The following ATP8A2 variants were observed in gnomAD, a reference collection of about 807,000 sequenced individuals.
ATP8A2 encodes ATPase phospholipid transporting 8A2.
A neutral mutation model predicts 165.6 loss-of-function variants in ATP8A2; 100 were observed. The observed-to-expected ratio is 0.60, with a 90% CI of 0.51 to 0.71. The LOEUF is 0.71. ATP8A2 is among the 30% of genes least tolerant of loss of function. The pLI, the probability that ATP8A2 is intolerant of heterozygous loss-of-function variation, is 0.00. For missense variants in ATP8A2, 1,227 were observed against 1,479.5 expected, an observed-to-expected ratio of 0.83 and a Z score of 2.80; for synonymous variants, 543 against 548.8, an observed-to-expected ratio of 0.99 and a Z score of 0.15.
chr13:25,556,789 C>A (rs2038994645), intron 13 of ATP8A2, among the ~76,000 whole-genome samples: 1 of 152,154 alleles, frequency 6.6e-6, no homozygotes, highest in Non-Finnish European at 1.5e-5. Context: ...CGAAGGACAC[C>A]TGGTTATTCA....
At chr13:25,657,287 G>A (rs896399573) in intron 24 of ATP8A2, among the ~76,000 whole-genome samples, 3 of 152,050 alleles carry the variant, frequency 2.0e-5, no homozygotes, top group African/African-American at 7.2e-5. Context: ...TGTGTAGGAG[G>A]CTGAGAATGG....
At chr13:25,503,611 A>G (rs2036927190) in intron 2 of ATP8A2, among the ~76,000 whole-genome samples, 1 of 152,212 alleles carries the variant, frequency 6.6e-6, no homozygotes, top group Non-Finnish European at 1.5e-5. Flanking sequence ...GGAAGGAGTA[A>G]GATGTTGGAA....
chr13:25,372,881 G>GCGCA lies in ATP8A2; in HGVS notation c.76+594_76+595insGCAC, dbSNP rs371950683. On this transcript the variant is annotated intron_variant, in intron 1 of 36. Transcript: ENST00000381655. The surrounding 1 kb of genome is among the most constrained non-coding windows in gnomAD (Gnocchi z 4.8). ...CGAACACACACACGCACACGCGCGCGCACACACACACACAGGTACACACAC... is the reference window on the plus strand; with the variant it reads ...CGAACACACACACGCACACGCGCGCGCGCACACACACACACACAGGTACACACAC... Among the ~76,000 whole-genome samples, 2 of 151,584 alleles carry GCGCA rather than the reference G, an allele frequency of 1.3e-5. No homozygotes were observed. Among genetic ancestry groups the GCGCA allele is most frequent in the East Asian group, 1.9e-4 (1 of 5,134 alleles).
At chr13:25,651,926 C>G (rs577416521) in intron 24 of ATP8A2, among the ~76,000 whole-genome samples, 4 of 151,870 alleles carry the variant, frequency 2.6e-5, no homozygotes, top group Admixed American at 6.6e-5. Flanking sequence ...TAGAATCATC[C>G]TTTATTTAGA....
At position 25,750,845 on chromosome 13, in the gene ATP8A2, A is replaced by G. The variant is rs563075190; in HGVS notation, c.2385-18201A>G. Among the ~76,000 whole-genome samples, 4 of 152,290 alleles carry G rather than the reference A, an allele frequency of 2.6e-5. No individual in the cohort carries two copies. The highest frequency in any genetic ancestry group is 1.9e-4 in the East Asian group (1 of 5,178). On this transcript the variant is annotated intron_variant, in intron 25 of 36. Transcript: ENST00000381655. This position sits in a 1 kb window ranked among gnomAD's most constrained non-coding sequence, Gnocchi z 4.3. ...TTTGGAATTACACGTGTAGTTCACT[A>G]AAGTATTCCTAGTGACAACATAGCC...
intron 34 of ATP8A2, among the ~76,000 whole-genome samples, chr13:25,962,114 T>C (rs921857761): frequency 2.6e-5 from 4 of 152,228 alleles, no homozygotes; most frequent in Admixed American, 2.6e-4. Flanking sequence ...TGTTGCCTTA[T>C]ATAAAGGCAG....
intron 24 of ATP8A2, among the ~76,000 whole-genome samples, chr13:25,663,530 G>C (rs1235486062): frequency 6.6e-6 from 1 of 152,060 alleles, no homozygotes; most frequent in Non-Finnish European, 1.5e-5. Flanking sequence ...TGCCACTGAG[G>C]TGCATTGGGC....
At chr13:25,479,387 T>G (rs1313099189) in intron 2 of ATP8A2, among the ~76,000 whole-genome samples, 6 of 152,236 alleles carry the variant, frequency 3.9e-5, no homozygotes, top group Non-Finnish European at 8.8e-5. Context: ...TTTAAAGAGC[T>G]TTTACTAGGA....
At chr13:25,605,884 G>C (rs539689826) in intron 24 of ATP8A2, among the ~76,000 whole-genome samples, 1 of 152,054 alleles carries the variant, frequency 6.6e-6, no homozygotes, top group African/African-American at 2.4e-5. Context: ...TTCCTAGAAG[G>C]CTCCTAGGTC....
At chr13:25,864,028 C>T (rs1361884031) in intron 33 of ATP8A2, among the ~76,000 whole-genome samples, 4 of 152,118 alleles carry the variant, frequency 2.6e-5, no homozygotes, top group African/African-American at 9.7e-5. Context: ...TGATTGATCC[C>T]CACAAAAAGC....
intron 25 of ATP8A2, among the ~76,000 whole-genome samples, chr13:25,727,934 G>T (rs1017801549): frequency 6.6e-6 from 1 of 152,026 alleles, no homozygotes; most frequent in African/African-American, 2.4e-5. Flanking sequence ...CTGTGCTCTG[G>T]TCCTGGCACT....
chr13:25,885,301 T>C (rs1295255708), intron 33 of ATP8A2, among the ~76,000 whole-genome samples: 1 of 151,864 alleles, frequency 6.6e-6, no homozygotes, highest in Non-Finnish European at 1.5e-5. Context: ...TTAGTAGAGA[T>C]GGCGTTTCAC....
intron 24 of ATP8A2, among the ~76,000 whole-genome samples, chr13:25,635,727 A>T (rs2041352374): frequency 6.6e-6 from 1 of 152,208 alleles, no homozygotes; most frequent in African/African-American, 2.4e-5. Context: ...TCCTCTGTGC[A>T]AAAATTTTAG....
At chr13:25,485,781 G>A (rs1491001565) in intron 2 of ATP8A2, among the ~76,000 whole-genome samples, 1 of 152,178 alleles carries the variant, frequency 6.6e-6, no homozygotes, top group African/African-American at 2.4e-5. Context: ...TTCTCTTAAT[G>A]TTTAGTTTGA....
chr13:25,651,057 CT>C (rs1420663928), intron 24 of ATP8A2, among the ~76,000 whole-genome samples: 11 of 152,096 alleles, frequency 7.2e-5, no homozygotes, highest in Non-Finnish European at 1.5e-4. Flanking sequence ...TTATGTAAAG[CT>C]GAAATTATTT....
At position 25,480,231 on chromosome 13, in the gene ATP8A2, C is replaced by T. The variant is rs368258517; in HGVS notation, c.221+11110C>T. 9.3e-3 allele frequency among the ~76,000 whole-genome samples: 1,407 copies of T among 150,696 alleles called. 17 individuals carry two copies. Among genetic ancestry groups the T allele is most frequent in the Admixed American group, 0.042 (637 of 15,200 alleles). ...CCGGGCAGAGGGGCTCCTCACTTCC[C>T]AGTAGGGGCGGCTGGGCAGAGGCGC... On this transcript the variant is annotated intron_variant, in intron 2 of 36. Transcript: ENST00000381655.
intron 1 of ATP8A2, among the ~76,000 whole-genome samples, chr13:25,406,332 A>G (rs2138040983): frequency 6.6e-6 from 1 of 152,334 alleles, no homozygotes; most frequent in East Asian, 1.9e-4. Context: ...CAATTGAAGT[A>G]TGATAACATA....
Position 25,699,349 on chromosome 13 carries a change from G to A in ATP8A2, c.2384+4G>A. ...GCAAAGCGGTCATATGCTGCAGGTA[G>A]GAACCTGCAGGCTGTGCACAGTTCA... On this transcript the variant is annotated splice_donor_region_variant and intron_variant, in intron 25 of 36. Transcript: ENST00000381655. 1 of 1,604,298 alleles carries A rather than the reference G, an allele frequency of 6.2e-7. No individual in the cohort carries two copies. The highest frequency in any genetic ancestry group is 8.5e-7 in the Non-Finnish European group (1 of 1,174,456).
chr13:25,988,635 C>T (rs1593677445), intron 35 of ATP8A2, among the ~76,000 whole-genome samples: 1 of 152,294 alleles, frequency 6.6e-6, no homozygotes. Flanking sequence ...CCAAAGTGCC[C>T]AGGACTGCTA....
Sources: allele counts gnomAD v4.1 joint callset (sites outside exome capture counted in the v4.1 genomes callset), GRCh38; gene constraint gnomAD v4.1.1; non-coding constraint Gnocchi (gnomAD v3.1); transcripts MANE v1.5; gene names NCBI Gene and HGNC (gene_info 2026-07-23, HGNC 2026-07-21).